CSE1L: variants seen among roughly 807,000 people sequenced by gnomAD.
The protein encoded by CSE1L is exportin-2.
A neutral mutation model predicts 120.4 loss-of-function variants in CSE1L; 24 were observed. That is an observed-to-expected ratio of 0.20 (90% CI 0.14 to 0.28). CSE1L has a LOEUF of 0.28. CSE1L is among the 10% of genes least tolerant of loss of function. CSE1L has a pLI of 1.00. For synonymous variants in CSE1L, 402 were observed against 398.3 expected (o/e 1.01, Z -0.11); for missense variants, 830 against 1,145.2 (o/e 0.72, Z 3.97).
At chr20:49,060,680 G>C (rs1439267066) in intron 2 of CSE1L, among the ~76,000 whole-genome samples, 1 of 151,770 alleles carries the variant, frequency 6.6e-6, no homozygotes, top group Non-Finnish European at 1.5e-5. Context: ...GGAGGCTGAG[G>C]TGCAAGAATC....
chr20:49,071,985 A>AACTACT (rs397771137), intron 8 of CSE1L, among the ~76,000 whole-genome samples: 1 of 148,630 alleles, frequency 6.7e-6, no homozygotes, highest in African/African-American at 2.5e-5. Flanking sequence ...AAAAAAAAAA[A>AACTACT]CCACTCCTGG....
Position 49,088,089 on chromosome 20 carries a change from C to A in CSE1L, c.1804C>A (p.Leu602Ile). ...PTLITQLTQK[L>I]LAVSKNPSKP... ...TCTCATCACTCAGCTTACACAGAAG[C>A]TATTAGCTGTTAGTAAGGTAATAGA... The change falls in exon 17 of 25, where the codon CTA (leucine) becomes ATA (isoleucine). Residue 602 changes from leucine (L) to isoleucine (I), a missense_variant. By Grantham distance (5) the Leu-to-Ile change is conservative (BLOSUM62 2). Transcript: ENST00000262982. The A allele has an allele frequency of 6.2e-7, 1 of 1,611,272 alleles. No individual in the cohort carries two copies. The highest frequency in any genetic ancestry group is 8.5e-7 in the Non-Finnish European group (1 of 1,178,386).
chr20:49,087,357 T>C (rs866731260), intron 16 of CSE1L, among the ~76,000 whole-genome samples: 7 of 146,166 alleles, frequency 4.8e-5, no homozygotes, highest in East Asian at 2.0e-4. Flanking sequence ...TTTTCTTTTT[T>C]TTTTTTTTTT....
chr20:49,074,904 G>C (rs2091958939), intron 11 of CSE1L, 54 bp downstream of exon 11: 1 of 1,394,378 alleles, frequency 7.2e-7, no homozygotes, highest in African/African-American at 1.4e-5. Context: ...GTTTTAAGGT[G>C]GTTCTCTTTC....
chr20:49,095,379 C>T (rs921280404), intron 24 of CSE1L, among the ~76,000 whole-genome samples: 1 of 151,900 alleles, frequency 6.6e-6, no homozygotes, highest in Admixed American at 6.6e-5. Flanking sequence ...GGCTGGAATG[C>T]AGTAGTACGA....
chr20:49,062,978 CAT>C (rs1393885197), intron 2 of CSE1L, among the ~76,000 whole-genome samples: 1 of 151,848 alleles, frequency 6.6e-6, no homozygotes, highest in Non-Finnish European at 1.5e-5. Context: ...TTGTGAGAAT[CAT>C]GTGAGTTAAT....
chr20:49,055,465 C>T (rs1318245758), intron 1 of CSE1L, among the ~76,000 whole-genome samples: 1 of 151,868 alleles, frequency 6.6e-6, no homozygotes, highest in Non-Finnish European at 1.5e-5. Flanking sequence ...GCCTGTAATC[C>T]CAGTGTTTTG....
At chr20:49,053,506 G>A (rs973791924) in intron 1 of CSE1L, among the ~76,000 whole-genome samples, 2 of 151,478 alleles carry the variant, frequency 1.3e-5, no homozygotes, top group African/African-American at 2.4e-5. Flanking sequence ...TTACAGGCAT[G>A]TGCTACCAGG....
intron 3 of CSE1L, among the ~76,000 whole-genome samples, chr20:49,065,888 C>G (rs1480786202): frequency 2.0e-5 from 3 of 152,092 alleles, no homozygotes; most frequent in African/African-American, 7.2e-5. Context: ...GCCACTGCGC[C>G]CAGTCTAAAA....
At chr20:49,072,739 T>G in intron 10 of CSE1L, 42 bp downstream of exon 10, 2 of 1,532,292 alleles carry the variant, frequency 1.3e-6, no homozygotes, top group Non-Finnish European at 1.8e-6. Context: ...CTACTAAGTC[T>G]GTGTTTGTTT....
intron 2 of CSE1L, among the ~76,000 whole-genome samples, chr20:49,061,539 C>T (rs1480262000): frequency 4.2e-5 from 6 of 141,520 alleles, no homozygotes; most frequent in Non-Finnish European, 9.2e-5. Context: ...GAGTCTCACT[C>T]TTGCCCAGGC....
chr20:49,046,660 G>C (rs1307473079), intron 1 of CSE1L, among the ~76,000 whole-genome samples: 2 of 152,234 alleles, frequency 1.3e-5, no homozygotes, highest in Admixed American at 6.5e-5. Flanking sequence ...GGCGACCCCA[G>C]GGCCTGTGAG....
intron 19 of CSE1L, among the ~76,000 whole-genome samples, chr20:49,090,373 C>G (rs1600549619): frequency 6.6e-6 from 1 of 152,138 alleles, no homozygotes; most frequent in African/African-American, 2.4e-5. Flanking sequence ...GCCTGGCCAA[C>G]ATGGCGAAAC....
intron 16 of CSE1L, among the ~76,000 whole-genome samples, chr20:49,086,102 T>C (rs1243915978): frequency 1.3e-5 from 2 of 152,140 alleles, no homozygotes; most frequent in African/African-American, 4.8e-5. Flanking sequence ...GGCTGGTGTA[T>C]CCATCCACCA....
At chr20:49,095,266 T>C in intron 24 of CSE1L, 1 of 345,416 alleles carries the variant, frequency 2.9e-6, no homozygotes, top group Admixed American at 4.5e-5. Context: ...TAAGAGTTTA[T>C]TTCCCAGATC....
intron 15 of CSE1L, 43 bp from the exon 16 acceptor site, chr20:49,085,240 C>T: frequency 6.8e-7 from 1 of 1,479,378 alleles, no homozygotes. Context: ...CAGTGACAAG[C>T]TCAAGAGTTG....
At chr20:49,055,213 C>G (rs924820931) in intron 1 of CSE1L, among the ~76,000 whole-genome samples, 6 of 152,202 alleles carry the variant, frequency 3.9e-5, no homozygotes, top group Non-Finnish European at 7.3e-5. Flanking sequence ...TTGATAGCCT[C>G]AGGCAGTTCA....
At chr20:49,071,310 G>A (rs766615796) in intron 8 of CSE1L, among the ~76,000 whole-genome samples, 1 of 152,118 alleles carries the variant, frequency 6.6e-6, no homozygotes, top group African/African-American at 2.4e-5. Flanking sequence ...TCCAATGGGA[G>A]GGAAAAACAC....
In CSE1L at chr20:49,066,224, C is replaced by T. The variant is rs756518336; in HGVS notation, c.261C>T (p.Ala87=). ...ATGAACCAAACAAAATTTGTGAAGC[C>T]GATCGAGTGGCCATTAAAGCCAACA... ...VEDEPNKICE[A]DRVAIKANIV... is the part of the protein sequence containing the mutation. Residue 87 remains alanine (A), a synonymous_variant, in exon 4 of 25, where the codon GCC becomes GCT. Coordinates refer to ENST00000262982, the MANE Select transcript of CSE1L (RefSeq NM_001316.4). The T allele has an allele frequency of 4.3e-6, 7 of 1,614,086 alleles. No homozygotes were observed. Among genetic ancestry groups the T allele is most frequent in the Admixed American group, 1.7e-5 (1 of 60,012 alleles).
Sources: allele counts gnomAD v4.1 joint callset (sites outside exome capture counted in the v4.1 genomes callset), GRCh38; gene constraint gnomAD v4.1.1; transcripts MANE v1.5; gene names NCBI Gene and HGNC (gene_info 2026-07-23, HGNC 2026-07-21).